The following LRP1B variants were observed in gnomAD, a reference collection of about 807,000 sequenced individuals.
LRP1B encodes low-density lipoprotein receptor-related protein 1B.
Under a neutral mutation model 556.6 loss-of-function variants are expected in LRP1B, and 217 were observed. That is an observed-to-expected ratio of 0.39 (90% CI 0.35 to 0.44). LRP1B has a LOEUF of 0.44. Ranked by LOEUF, LRP1B falls within the 20% of genes least tolerant of loss-of-function variation. The probability of loss-of-function intolerance (pLI) is 1.00; values close to 1 mark genes in which losing one functional copy is unlikely to be tolerated. For synonymous variants in LRP1B, 2,047 were observed against 1,865.8 expected, an observed-to-expected ratio of 1.10 and a Z score of -2.50; for missense variants, 5,053 against 5,620.8, an observed-to-expected ratio of 0.90 and a Z score of 3.23.
intron 62 of LRP1B, among the ~76,000 whole-genome samples, chr2:140,454,632 A>C (rs1687023331): frequency 6.6e-6 from 1 of 152,186 alleles, no homozygotes; most frequent in Non-Finnish European, 1.5e-5. Context: ...TAAATATTTT[A>C]GTGTTGTCAT....
At chr2:141,305,993 G>T (rs1024387265) in intron 3 of LRP1B, among the ~76,000 whole-genome samples, 3 of 152,148 alleles carry the variant, frequency 2.0e-5, no homozygotes, top group Admixed American at 2.0e-4. Flanking sequence ...TGATTTGCTA[G>T]TATTTAGTAG....
At position 142,021,430 on chromosome 2, in the gene LRP1B, G is replaced by T. The variant is rs183311769; in HGVS notation, c.82+109218C>A. ...GGGCTAATGAGGATTTAACAGATGA[G>T]CACAAAAGTACTAGAAGGTACCTAT... On this transcript the variant is annotated intron_variant, in intron 1 of 90. Coordinates refer to ENST00000389484, the MANE Select transcript of LRP1B (RefSeq NM_018557.3). Among the ~76,000 whole-genome samples the T allele has an allele frequency of 7.9e-5, 12 of 152,112 alleles. No individual in the cohort carries two copies. In the East Asian group the frequency reaches 2.3e-3, roughly 29 times the overall value.
intron 2 of LRP1B, among the ~76,000 whole-genome samples, chr2:141,656,524 A>G (rs1464348929): frequency 1.3e-5 from 2 of 152,138 alleles, no homozygotes; most frequent in Admixed American, 1.3e-4. Context: ...ACCAAAGAAC[A>G]TTTTTATTTC....
chr2:140,592,946 A>G (rs1023437019), intron 43 of LRP1B, among the ~76,000 whole-genome samples: 1 of 72,996 alleles, frequency 1.4e-5, no homozygotes, highest in Admixed American at 1.4e-4. Context: ...ACACACACAC[A>G]CACACACACA....
chr2:141,863,308 C>T (rs1698310008), intron 1 of LRP1B, among the ~76,000 whole-genome samples: 1 of 151,880 alleles, frequency 6.6e-6, no homozygotes, highest in South Asian at 2.1e-4. Flanking sequence ...CAGTCTTTGC[C>T]CTTAAAGAGT....
intron 7 of LRP1B, among the ~76,000 whole-genome samples, chr2:141,174,654 A>G (rs1680657025): frequency 6.6e-6 from 1 of 152,088 alleles, no homozygotes; most frequent in Non-Finnish European, 1.5e-5. Flanking sequence ...TGCTTTATCA[A>G]TTATCCAGGC....
At chr2:141,058,705 A>G (rs1699253795) in intron 9 of LRP1B, among the ~76,000 whole-genome samples, 178 bp downstream of exon 9, 1 of 151,844 alleles carries the variant, frequency 6.6e-6, no homozygotes, top group East Asian at 1.9e-4. Flanking sequence ...AAACTGAACA[A>G]TCTGTCATTT....
At chr2:141,983,821 C>G (rs1702110087) in intron 1 of LRP1B, among the ~76,000 whole-genome samples, 1 of 152,136 alleles carries the variant, frequency 6.6e-6, no homozygotes, top group Non-Finnish European at 1.5e-5. Context: ...AGCACTTTGC[C>G]AGACCAAGAC....
intron 2 of LRP1B, among the ~76,000 whole-genome samples, chr2:141,516,838 C>G (rs1684329768): frequency 6.6e-6 from 1 of 151,364 alleles, no homozygotes; most frequent in Non-Finnish European, 1.5e-5. Context: ...GCTAGGATTG[C>G]AGGCACATGC....
chr2:140,318,902 G>T (rs1048140596), intron 82 of LRP1B, among the ~76,000 whole-genome samples: 2 of 151,884 alleles, frequency 1.3e-5, no homozygotes, highest in Admixed American at 6.6e-5. Context: ...TTCCTCATAG[G>T]TTTTCAAAAT....
chr2:140,973,590 T>C (rs1696502812), intron 18 of LRP1B, among the ~76,000 whole-genome samples: 1 of 152,094 alleles, frequency 6.6e-6, no homozygotes, highest in African/African-American at 2.4e-5. Context: ...AGCATGTTAA[T>C]TGACTGAAAA....
chr2:140,649,938 CAT>C (rs1396229017), intron 41 of LRP1B, among the ~76,000 whole-genome samples: 1 of 152,102 alleles, frequency 6.6e-6, no homozygotes, highest in Non-Finnish European at 1.5e-5. Context: ...ATCCTTGAAA[CAT>C]GTCATTCAAT....
chr2:141,487,344 G>T (rs10496881), intron 2 of LRP1B, among the ~76,000 whole-genome samples: 10,066 of 152,098 alleles, frequency 0.066, 429 homozygotes, highest in South Asian at 0.18. Flanking sequence ...TTCTTGACAC[G>T]GAATTGGTGC....
Position 140,335,657 on chromosome 2 carries a change from A to C in LRP1B, c.12074T>G (p.Met4025Arg). Residue 4025 changes from methionine (M) to arginine (R), a missense_variant, in exon 78 of 91, where the codon ATG (methionine) becomes AGG (arginine). By Grantham distance (91) the Met-to-Arg change is moderately conservative. Coordinates refer to ENST00000389484, the MANE Select transcript of LRP1B (RefSeq NM_018557.3). ...TGCAATAGCATAGGGTTCTCCAGCCATATTTGTTAAGAGTCTGGTGCAGTT... is the reference window on the plus strand; with the variant it reads ...TGCAATAGCATAGGGTTCTCCAGCCCTATTTGTTAAGAGTCTGGTGCAGTT... ...GPNCTRLLTN[M>R]AGEPYAIAVN... 1.2e-6 allele frequency: 2 copies of C among 1,612,542 alleles called. No homozygotes were observed. Among genetic ancestry groups the C allele is most frequent in the Non-Finnish European group, 1.7e-6 (2 of 1,178,886 alleles).
chr2:140,559,218 CAACCG>C (rs1680844625), intron 43 of LRP1B, among the ~76,000 whole-genome samples: 1 of 151,442 alleles, frequency 6.6e-6, no homozygotes, highest in South Asian at 2.1e-4. Context: ...TTTTTTTTAA[CAACCG>C]AAAATTTCCA....
At chr2:141,760,155 G>T (rs776472120) in intron 2 of LRP1B, among the ~76,000 whole-genome samples, 1 of 152,038 alleles carries the variant, frequency 6.6e-6, no homozygotes, top group Non-Finnish European at 1.5e-5. Context: ...ATGTGTTAAT[G>T]CAAAAATACA....
At chr2:140,973,289 A>G (rs1275519501) in intron 18 of LRP1B, among the ~76,000 whole-genome samples, 1 of 151,916 alleles carries the variant, frequency 6.6e-6, no homozygotes, top group Non-Finnish European at 1.5e-5. Context: ...CTTTGTTACT[A>G]TGATTTGGTT....
intron 3 of LRP1B, among the ~76,000 whole-genome samples, chr2:141,394,627 A>G (rs998657355): frequency 6.6e-6 from 1 of 152,090 alleles, no homozygotes; most frequent in African/African-American, 2.4e-5. Context: ...TGGTGTATCA[A>G]TGTCAGCACA....
rs1240881553 is a variant in LRP1B at position 141,096,679 on chromosome 2, A to AGAGAGAGG, written c.1014-34407_1014-34406insCCTCTCTC. ...GAGAGAGAGAGAGAGAGAGAGAGAG[A>AGAGAGAGG]GAGAGAGAGAGAAAATAAATAAATA... On this transcript the variant is annotated intron_variant, in intron 7 of 90. Coordinates refer to ENST00000389484, the MANE Select transcript of LRP1B (RefSeq NM_018557.3). Among the ~76,000 whole-genome samples the AGAGAGAGG allele has an allele frequency of 8.7e-3, 771 of 88,474 alleles. 106 individuals are homozygous for AGAGAGAGG. Among genetic ancestry groups the AGAGAGAGG allele is most frequent in the East Asian group, 0.067 (120 of 1,802 alleles). The allele number at this position is 88,474 out of a possible 152,430, so 58.0% of individuals were successfully genotyped here. A position where few individuals can be genotyped will look rare whatever the true frequency, so the allele number is the denominator to read the frequency against.
Sources: allele counts gnomAD v4.1 joint callset (sites outside exome capture counted in the v4.1 genomes callset), GRCh38; gene constraint gnomAD v4.1.1; transcripts MANE v1.5; gene names NCBI Gene and HGNC (gene_info 2026-07-23, HGNC 2026-07-21).